Variants in RAB3C observed in about 807,000 individuals in gnomAD.
The protein encoded by RAB3C is RAB3C, member RAS oncogene family, also known as ras-related protein Rab-3C.
RAB3C carries 17 observed loss-of-function variants against 26.4 expected under a neutral mutation model. The ratio of observed to expected loss-of-function variants is 0.64; its 90% CI spans 0.44 to 0.97. The LOEUF (loss-of-function observed/expected upper bound fraction) is 0.97, where lower values mean the gene tolerates loss of function less well. RAB3C is among the 50% of genes least tolerant of loss of function. The probability of loss-of-function intolerance (pLI) is 0.00; values close to 1 mark genes in which losing one functional copy is unlikely to be tolerated. For missense variants in RAB3C, 242 were observed against 281.9 expected, an observed-to-expected ratio of 0.86 and a Z score of 1.01; for synonymous variants, 91 against 95.9, an observed-to-expected ratio of 0.95 and a Z score of 0.30.
At chr5:58,751,890 G>T (rs1165751264) in intron 3 of RAB3C, among the ~76,000 whole-genome samples, 1 of 152,136 alleles carries the variant, frequency 6.6e-6, no homozygotes, top group African/African-American at 2.4e-5. Context: ...CTCAAACACT[G>T]CCTTTAAAGC....
intron 3 of RAB3C, among the ~76,000 whole-genome samples, chr5:58,814,115 C>A (rs1458990782): frequency 6.6e-6 from 1 of 152,148 alleles, no homozygotes; most frequent in Non-Finnish European, 1.5e-5. Context: ...ATCACTATAT[C>A]CAGTTCCCTG....
intron 4 of RAB3C, among the ~76,000 whole-genome samples, chr5:58,829,337 AACT>A (rs1743561918): frequency 6.6e-6 from 1 of 152,184 alleles, no homozygotes; most frequent in Non-Finnish European, 1.5e-5. Context: ...TTAAATGTAC[AACT>A]ACTGTTTTAA....
At chr5:58,712,686 G>A (rs1379218348) in intron 2 of RAB3C, among the ~76,000 whole-genome samples, 6 of 152,004 alleles carry the variant, frequency 3.9e-5, no homozygotes, top group Admixed American at 6.6e-5. Context: ...CATGATGCCC[G>A]GCTAATTTTT....
chr5:58,856,528 C>G lies in RAB3C; in HGVS notation c.*5177C>G, dbSNP rs1744263807. On this transcript the variant is annotated 3_prime_UTR_variant, in exon 5 of 5. Coordinates refer to ENST00000282878, the MANE Select transcript of RAB3C (RefSeq NM_138453.4). ...ATTTACTTCCCATCAGCAACCATTA[C>G]TGGTGGAGTTTCAAACAGTCATTAC... The G allele has an allele frequency of 1.3e-5, 2 of 152,254 alleles. No homozygotes were observed. Among genetic ancestry groups the G allele is most frequent in the South Asian group, 4.2e-4 (2 of 4,812 alleles). The allele number at this position is 152,254 out of a possible 1,614,324, so 9.4% of individuals were successfully genotyped here.
At chr5:58,797,392 T>TAC (rs1742695026) in intron 3 of RAB3C, among the ~76,000 whole-genome samples, 1 of 124,466 alleles carries the variant, frequency 8.0e-6, no homozygotes, top group African/African-American at 3.1e-5. Context: ...TATATATATA[T>TAC]ATATACACAG....
chr5:58,631,450 G>A (rs1035726937), intron 2 of RAB3C, among the ~76,000 whole-genome samples: 2 of 152,180 alleles, frequency 1.3e-5, no homozygotes, highest in Admixed American at 1.3e-4. Context: ...ATGACTGATA[G>A]GCTAATGTCT....
chr5:58,607,651 G>A (rs1746602062), intron 1 of RAB3C, among the ~76,000 whole-genome samples: 2 of 152,126 alleles, frequency 1.3e-5, no homozygotes, highest in Admixed American at 6.5e-5. Context: ...AAGTGTTAAG[G>A]GCAGCCAGAG....
rs1035611495 is a variant in RAB3C, at chr5:58,858,388, T to A, written c.*7037T>A. The A allele has an allele frequency of 6.6e-6, 1 of 152,174 alleles. No homozygotes were observed. Among genetic ancestry groups the A allele is most frequent in the Non-Finnish European group, 1.5e-5 (1 of 68,022 alleles). The allele number at this position is 152,174 out of a possible 1,614,324, so 9.4% of individuals were successfully genotyped here. On this transcript the variant is annotated 3_prime_UTR_variant, in exon 5 of 5. Transcript: ENST00000282878. ...TTTAAGGGTGTGGTTGAATTTTAGT[T>A]AGTTGTCACATAGTTATTGAACCTC...
At chr5:58,722,854 A>G (rs1039764771) in intron 2 of RAB3C, among the ~76,000 whole-genome samples, 1 of 151,860 alleles carries the variant, frequency 6.6e-6, no homozygotes, top group African/African-American at 2.4e-5. Context: ...CTACATTTTT[A>G]TTTTAAAATA....
At chr5:58,750,370 T>C (rs1741496102) in intron 3 of RAB3C, among the ~76,000 whole-genome samples, 2 of 152,258 alleles carry the variant, frequency 1.3e-5, no homozygotes, top group African/African-American at 4.8e-5. Flanking sequence ...CTATCTCATT[T>C]TTCTTCTTAA....
chr5:58,697,767 A>G (rs985000191), intron 2 of RAB3C, among the ~76,000 whole-genome samples: 1 of 151,020 alleles, frequency 6.6e-6, no homozygotes, highest in African/African-American at 2.4e-5. Flanking sequence ...TTTGTTTTCT[A>G]TTTGCTTGGT....
At chr5:58,714,507 A>G (rs73102344) in intron 2 of RAB3C, among the ~76,000 whole-genome samples, 3,453 of 152,238 alleles carry the variant, frequency 0.023, 139 homozygotes, top group African/African-American at 0.079. Flanking sequence ...TTGAGATACA[A>G]GAAAAACTTG....
At chr5:58,754,048 G>C (rs1308836027) in intron 3 of RAB3C, among the ~76,000 whole-genome samples, 1 of 152,130 alleles carries the variant, frequency 6.6e-6, no homozygotes, top group Non-Finnish European at 1.5e-5. Flanking sequence ...GACAGCAATA[G>C]GTGGAAGTGG....
rs139302418 is a variant in RAB3C, at chr5:58,624,626, G to A, written c.252+6756G>A. Among the ~76,000 whole-genome samples, 385 of 152,248 alleles carry A rather than the reference G, an allele frequency of 2.5e-3. 3 individuals are homozygous for A. The highest frequency in any genetic ancestry group is 8.9e-3 in the African/African-American group (369 of 41,540). ...ATGGAAATCCACCTCTACTTTTGTC[G>A]AAAATTTACCTGTGATTCTATAGGG... is the stretch of plus-strand genomic sequence containing the variant. On this transcript the variant is annotated intron_variant, in intron 2 of 4. Coordinates refer to ENST00000282878, the MANE Select transcript of RAB3C (RefSeq NM_138453.4).
chr5:58,782,779 T>C (rs374427), intron 3 of RAB3C, among the ~76,000 whole-genome samples: 119,166 of 151,988 alleles, frequency 0.78, 46,865 homozygotes, highest in African/African-American at 0.83. Flanking sequence ...ATTAGCTTTA[T>C]ACCCAGAAAG....
intron 3 of RAB3C, chr5:58,741,613 TAAAC>T (rs1432815354): frequency 1.3e-5 from 2 of 152,172 alleles, no homozygotes; most frequent in African/African-American, 4.8e-5. Context: ...TACACAATAA[TAAAC>T]AAATTATTAT....
Position 58,584,998 on chromosome 5 carries a change from A to G in RAB3C, c.24+1766A>G, listed in dbSNP as rs139940594. Among the ~76,000 whole-genome samples the G allele has an allele frequency of 2.8e-3, 421 of 152,208 alleles. 2 individuals carry two copies. The highest frequency in any genetic ancestry group is 5.3e-3 in the Admixed American group (81 of 15,296). On this transcript the variant is annotated intron_variant, in intron 1 of 4. Coordinates refer to ENST00000282878, the MANE Select transcript of RAB3C (RefSeq NM_138453.4). ...TTAGTCAAAACTTTAATGAAGAACTAAAATAAAAATAAGGTAAAATGAAAT... is the reference window on the plus strand; with the variant it reads ...TTAGTCAAAACTTTAATGAAGAACTGAAATAAAAATAAGGTAAAATGAAAT...
At position 58,712,094 on chromosome 5, in the gene RAB3C, C is replaced by T. The variant is rs183541552; in HGVS notation, c.253-13908C>T. Among the ~76,000 whole-genome samples, 12 of 152,274 alleles carry T rather than the reference C, an allele frequency of 7.9e-5. No homozygotes were observed. The East Asian group carries it at 2.3e-3, about 29-fold the overall frequency. On this transcript the variant is annotated intron_variant, in intron 2 of 4. Transcript: ENST00000282878. ...TCAAAATCTACCCATCACTGGAAAC[C>T]TGCACCAACCGTCCCCGTTCCTGGA... is the stretch of plus-strand genomic sequence containing the variant.
intron 2 of RAB3C, among the ~76,000 whole-genome samples, chr5:58,721,206 A>G (rs1469942593): frequency 6.6e-6 from 1 of 151,170 alleles, no homozygotes; most frequent in Non-Finnish European, 1.5e-5. Flanking sequence ...AAACATGATT[A>G]GGAAATCAAA....
Sources: gnomAD v4.1 joint callset for allele counts (sites outside exome capture counted in the v4.1 genomes callset) on GRCh38, gnomAD v4.1.1 for gene constraint, MANE v1.5 for transcripts, NCBI Gene and HGNC (gene_info 2026-07-23, HGNC 2026-07-21) for gene names.